TNK2: variants seen among roughly 807,000 people sequenced by gnomAD.
The protein encoded by TNK2 is activated CDC42 kinase 1.
TNK2 carries 83 observed loss-of-function variants against 101.8 expected under a neutral mutation model. The observed-to-expected ratio is 0.82, with a 90% confidence interval of 0.68 to 0.98. The LOEUF (loss-of-function observed/expected upper bound fraction) is 0.98. Among genes scored for constraint, TNK2 ranks in the 50% least tolerant of loss-of-function variants. The pLI is 0.00. For missense variants in TNK2, 1,665 were observed against 1,483.2 expected (o/e 1.12, Z -2.01); for synonymous variants, 804 against 633.0 (o/e 1.27, Z -4.06).
intron 6 of TNK2, among the ~76,000 whole-genome samples, chr3:195,879,644 A>G (rs1751286202): frequency 6.6e-6 from 1 of 152,184 alleles, no homozygotes; most frequent in African/African-American, 2.4e-5. Flanking sequence ...TACTGGCTTC[A>G]CCCAAATACA....
At chr3:195,892,324 C>T in intron 1 of TNK2, 10 of 1,342,658 alleles carry the variant, frequency 7.4e-6, no homozygotes, top group Non-Finnish European at 1.0e-5. Flanking sequence ...TCAGCCGCTC[C>T]CAGTCTTGCT....
In TNK2 at chr3:195,886,020, G is replaced by A. The variant is rs564072227; in HGVS notation, c.234+957C>T. The A allele has an allele frequency of 5.5e-5, 9 of 162,506 alleles. No homozygotes were observed. The South Asian group carries it at 1.0e-3, about 18-fold the overall frequency. 10.1% of individuals were successfully genotyped at this position (162,506 alleles called of 1,614,324 possible). On this transcript the variant is annotated intron_variant, in intron 3 of 15. Transcript: ENST00000672887. This position sits in a 1 kb window ranked among gnomAD's most constrained non-coding sequence, Gnocchi z 4.2. ...AAGACCCTCTACAGCCATTATCTCCGGTGCCTCCTGCAGCCCCGGGAGGTG... is the reference window on the plus strand; with the variant it reads ...AAGACCCTCTACAGCCATTATCTCCAGTGCCTCCTGCAGCCCCGGGAGGTG...
Position 195,888,510 on chromosome 3 carries a change from G to A in TNK2, c.79C>T (p.Arg27Ter), listed in dbSNP as rs377681378. 38 of 1,613,700 alleles carry A rather than the reference G, an allele frequency of 2.4e-5. No homozygotes were observed. The highest frequency in any genetic ancestry group is 3.1e-5 in the Non-Finnish European group (37 of 1,180,004). ...AGGCGGGTGACGTTGAGGTCATCTC[G>A]GAGCCGCAGGAAGTACTGTTGCAGC... Reference protein sequence around the residue: ...VQLQQYFLRLRDDLNVTRLSH... With the variant: ...VQLQQYFLRL Residue 27 changes from arginine (R) to a stop codon, truncating the protein, a stop_gained, in exon 2 of 16, where the codon CGA becomes TGA. Coordinates refer to ENST00000672887, the MANE Select transcript of TNK2 (RefSeq NM_001382273.1). LOFTEE classifies it high-confidence loss of function. The surrounding 1 kb of genome is among the most constrained non-coding windows in gnomAD (Gnocchi z 5.3).
intron 1 of TNK2, chr3:195,892,544 C>A: frequency 6.6e-7 from 1 of 1,525,778 alleles, no homozygotes. Flanking sequence ...GCCTCGGCTC[C>A]GGAGCTTCGC....
At chr3:195,896,462 G>T (rs1760528428) in intron 1 of TNK2, among the ~76,000 whole-genome samples, 1 of 152,096 alleles carries the variant, frequency 6.6e-6, no homozygotes, top group Non-Finnish European at 1.5e-5. Context: ...GTGGATGACT[G>T]CCGGCGAGGC....
intron 10 of TNK2, among the ~76,000 whole-genome samples, chr3:195,870,594 G>A (rs1160051594): frequency 2.0e-5 from 3 of 152,252 alleles, no homozygotes; most frequent in Non-Finnish European, 4.4e-5. Context: ...GCCCAGCCAG[G>A]GTGGGCAGGA....
At chr3:195,887,778 C>T (rs561456504) in intron 2 of TNK2, among the ~76,000 whole-genome samples, 13 of 126,012 alleles carry the variant, frequency 1.0e-4, no homozygotes, top group South Asian at 2.2e-4. Context: ...TGTGCGTCTG[C>T]GCGCGTGTGT....
rs144307971 is a variant in TNK2 at position 195,900,170 on chromosome 3, G to A, written c.-19+8315C>T. Among the ~76,000 whole-genome samples the A allele has an allele frequency of 6.0e-3, 915 of 152,222 alleles. 5 individuals carry two copies. The highest frequency in any genetic ancestry group is 0.021 in the African/African-American group (867 of 41,530). ...GGAAGGTGCCTTCTCATCGGACTGC[G>A]AAGGGGTGCTGGGGCGCGGGCTGCC... On this transcript the variant is annotated intron_variant, in intron 1 of 15. Transcript: ENST00000672887.
intron 1 of TNK2, among the ~76,000 whole-genome samples, chr3:195,894,927 C>T (rs371437094): frequency 1.3e-5 from 2 of 152,338 alleles, no homozygotes; most frequent in South Asian, 4.1e-4. Flanking sequence ...CGGGAATGCC[C>T]AGGACATACA....
In TNK2 at chr3:195,883,304, A is replaced by G; in HGVS notation, c.462T>C (p.Ser154=). 3 of 1,612,542 alleles carry G rather than the reference A, an allele frequency of 1.9e-6. No individual in the cohort carries two copies. Among genetic ancestry groups the G allele is most frequent in the Non-Finnish European group, 1.7e-6 (2 of 1,179,864 alleles). The part of the protein sequence containing the change: ...EWDAPSGKTV[S]VAVKCLKPDV... ...CGGGCTTCAGGCACTTCACAGCCAC[A>G]CTCACCTGCCCAGAGCGGGATTTGC... Residue 154 remains serine, a synonymous_variant, in exon 5 of 16, where the codon AGT becomes AGC. Transcript: ENST00000672887.
At chr3:195,892,865 T>C in intron 1 of TNK2, 1 of 544,686 alleles carries the variant, frequency 1.8e-6, no homozygotes, top group South Asian at 7.8e-5. Context: ...GCTCTGACAC[T>C]GGCTGAAAAA....
rs1750838232 is a variant in TNK2 at position 195,878,835 on chromosome 3, C to T, written c.1014+214G>A. 6.6e-6 allele frequency among the ~76,000 whole-genome samples: 1 copy of T among 152,218 alleles called. No homozygotes were observed. The highest frequency in any genetic ancestry group is 6.5e-5 in the Admixed American group (1 of 15,282). ...GGAGGGCAGGCCCCAGCTTTTCCCTCCCCGTCTCTTTGCTGGGCTCTCCCT... is the reference window on the plus strand; with the variant it reads ...GGAGGGCAGGCCCCAGCTTTTCCCTTCCCGTCTCTTTGCTGGGCTCTCCCT... On this transcript the variant is annotated intron_variant, in intron 7 of 15. Transcript: ENST00000672887. This position sits in a 1 kb window ranked among gnomAD's most constrained non-coding sequence, Gnocchi z 4.7.
intron 5 of TNK2, 62 bp downstream of exon 5, chr3:195,883,095 G>C: frequency 6.3e-7 from 1 of 1,577,832 alleles, no homozygotes; most frequent in Non-Finnish European, 8.6e-7. Context: ...GAGAGGAACC[G>C]AACCACACAT....
chr3:195,879,358 G>A (rs1418247694), intron 6 of TNK2, 183 bp from the exon 7 acceptor site: 1 of 818,674 alleles, frequency 1.2e-6, no homozygotes, highest in Non-Finnish European at 1.8e-6. Context: ...AGGGACTTGG[G>A]GAAATCGTCT....
chr3:195,895,635 C>T, intron 1 of TNK2: 3 of 1,282,950 alleles, frequency 2.3e-6, no homozygotes, highest in South Asian at 5.1e-5. Flanking sequence ...AGAGCCGGGG[C>T]TCTGCCTTCG....
chr3:195,868,830 C>T (rs78292793), intron 12 of TNK2, 121 bp from the exon 13 acceptor site: 87,983 of 1,251,558 alleles, frequency 0.07, 3,410 homozygotes, highest in Middle Eastern at 0.17. Context: ...CCCAACTCCC[C>T]CCGAGGTCTG....
At chr3:195,875,466 G>GGCACAGTAAA (rs1748529443) in intron 9 of TNK2, among the ~76,000 whole-genome samples, 11 of 106,812 alleles carry the variant, frequency 1.0e-4, no homozygotes, top group Non-Finnish European at 1.7e-4. Context: ...GGCACAGGAA[G>GGCACAGTAAA]CTCCCCCTCG....
At chr3:195,870,846 C>A (rs1744628070) in intron 10 of TNK2, among the ~76,000 whole-genome samples, 1 of 152,232 alleles carries the variant, frequency 6.6e-6, no homozygotes, top group Admixed American at 6.5e-5. Context: ...TTGCTGGGTT[C>A]TTTTTAGGCA....
In TNK2 at chr3:195,883,232, G is replaced by A; in HGVS notation, c.534C>T (p.Val178=). Residue 178 remains valine, a synonymous_variant, in exon 5 of 16, where the codon GTC becomes GTT. Transcript: ENST00000672887. Reference sequence around the variant, plus strand: ...GGTGGTCGAGCGAGTGCATGGCATTGACCTCCCGGATGAAGTCGTCCATGG... The same window carrying A: ...GGTGGTCGAGCGAGTGCATGGCATTAACCTCCCGGATGAAGTCGTCCATGG... ...PEAMDDFIRE[V]NAMHSLDHRN... is the part of the protein sequence containing the mutation. The A allele has an allele frequency of 6.2e-7, 1 of 1,611,636 alleles. No homozygotes were observed. The highest frequency in any genetic ancestry group is 8.5e-7 in the Non-Finnish European group (1 of 1,179,328).
Sources: gnomAD v4.1 joint callset for allele counts (sites outside exome capture counted in the v4.1 genomes callset) on GRCh38, gnomAD v4.1.1 for gene constraint, Gnocchi (gnomAD v3.1) non-coding constraint, MANE v1.5 for transcripts, NCBI Gene and HGNC (gene_info 2026-07-23, HGNC 2026-07-21) for gene names.